Variants in SEMA5A observed in about 807,000 individuals in gnomAD.
The protein encoded by SEMA5A is semaphorin-5A.
A neutral mutation model predicts 135.5 loss-of-function variants in SEMA5A; 55 were observed. The ratio of observed to expected loss-of-function variants is 0.41; its 90% confidence interval spans 0.33 to 0.51. The LOEUF is 0.51. Ranked by LOEUF, SEMA5A falls within the 20% of genes least tolerant of loss-of-function variation. SEMA5A has a pLI of 0.37. For missense variants in SEMA5A, 1,290 were observed against 1,419.9 expected (o/e 0.91, Z 1.47); for synonymous variants, 580 against 546.5 (o/e 1.06, Z -0.85).
chr5:9,352,102 T>TGGG (rs5865826), intron 3 of SEMA5A, among the ~76,000 whole-genome samples: 2 of 141,016 alleles, frequency 1.4e-5, no homozygotes, highest in East Asian at 2.2e-4. Flanking sequence ...GTCGGGGGGG[T>TGGG]TACTTAAGAG....
chr5:9,150,257 G>A (rs778747781), intron 12 of SEMA5A, among the ~76,000 whole-genome samples: 5 of 152,146 alleles, frequency 3.3e-5, no homozygotes, highest in Non-Finnish European at 7.3e-5. Context: ...TCATAGCTGG[G>A]CCTTCCCAGA....
chr5:9,537,290 T>C (rs974743142), intron 1 of SEMA5A, among the ~76,000 whole-genome samples: 3 of 152,194 alleles, frequency 2.0e-5, no homozygotes, highest in Non-Finnish European at 4.4e-5. Flanking sequence ...ACTAAATACC[T>C]GCCCTGGTAA....
At chr5:9,321,485 C>T (rs1381047336) in intron 4 of SEMA5A, among the ~76,000 whole-genome samples, 1 of 152,206 alleles carries the variant, frequency 6.6e-6, no homozygotes, top group Non-Finnish European at 1.5e-5. Flanking sequence ...CATGCAAAAA[C>T]CAGAGTTCTG....
intron 3 of SEMA5A, chr5:9,367,337 T>C (rs1305951429): frequency 6.6e-6 from 1 of 152,180 alleles, no homozygotes; most frequent in African/African-American, 2.4e-5. Context: ...TTGTTCTGTT[T>C]CTAATTGTAG....
chr5:9,066,657 T>C lies in SEMA5A; in HGVS notation c.2074-11A>G. On this transcript the variant is annotated splice_polypyrimidine_tract_variant and intron_variant, in intron 16 of 22. Transcript: ENST00000382496. ...GCAAGACTGGTACTCCTGGGGAGAA[T>C]GCGCAGACGAGTGTTACTATACGGG... The C allele has an allele frequency of 6.2e-7, 1 of 1,612,534 alleles. No individual in the cohort carries two copies. The highest frequency in any genetic ancestry group is 8.5e-7 in the Non-Finnish European group (1 of 1,179,076).
At chr5:9,450,796 T>C (rs1231230242) in intron 1 of SEMA5A, among the ~76,000 whole-genome samples, 2 of 152,170 alleles carry the variant, frequency 1.3e-5, no homozygotes, top group African/African-American at 4.8e-5. Context: ...TTTAGTTAAT[T>C]CAGCATCAGA....
At chr5:9,369,762 T>C (rs998016502) in intron 3 of SEMA5A, among the ~76,000 whole-genome samples, 2 of 150,790 alleles carry the variant, frequency 1.3e-5, no homozygotes, top group Non-Finnish European at 2.9e-5. Flanking sequence ...TCTTCCAACA[T>C]TTCCCTGCAG....
chr5:9,232,795 T>C (rs962369238), intron 6 of SEMA5A, among the ~76,000 whole-genome samples: 2 of 152,210 alleles, frequency 1.3e-5, no homozygotes, highest in African/African-American at 4.8e-5. Context: ...GTATTTAACC[T>C]AAAGTACCCT....
At chr5:9,337,387 A>T (rs1753437631) in intron 4 of SEMA5A, among the ~76,000 whole-genome samples, 1 of 152,286 alleles carries the variant, frequency 6.6e-6, no homozygotes. Flanking sequence ...TTATTTATCT[A>T]CTTCCTTCCT....
intron 13 of SEMA5A, among the ~76,000 whole-genome samples, chr5:9,132,693 T>G (rs886753581): frequency 8.3e-5 from 2 of 24,192 alleles, no homozygotes; most frequent in African/African-American, 1.3e-4. Context: ...TGCTATGTCA[T>G]TGATCCAAGG....
At chr5:9,352,521 A>G (rs1387009510) in intron 3 of SEMA5A, among the ~76,000 whole-genome samples, 1 of 152,208 alleles carries the variant, frequency 6.6e-6, no homozygotes, top group Non-Finnish European at 1.5e-5. Flanking sequence ...AAGTGCTGGA[A>G]TTACAGGCAT....
intron 1 of SEMA5A, chr5:9,517,020 C>A: frequency 6.6e-6 from 1 of 152,240 alleles, no homozygotes; most frequent in East Asian, 1.9e-4. Context: ...AATGTGAACA[C>A]AGTGCACTTC....
rs569706378 is a variant in SEMA5A at position 9,089,785 on chromosome 5, A to T, written c.2073+18355T>A. ...TGTTTGTGGTAAGATTTTAATAGGT[A>T]TCCTTCATAAGGTGAAAGAAGCTCC... On this transcript the variant is annotated intron_variant, in intron 16 of 22. Transcript: ENST00000382496. 4.6e-5 allele frequency among the ~76,000 whole-genome samples: 7 copies of T among 152,322 alleles called. No individual in the cohort carries two copies. The South Asian group carries it at 1.4e-3, about 32-fold the overall frequency.
chr5:9,532,079 A>G (rs537797406), intron 1 of SEMA5A, among the ~76,000 whole-genome samples: 1 of 152,356 alleles, frequency 6.6e-6, no homozygotes, highest in South Asian at 2.1e-4. Flanking sequence ...TTCAATGAAT[A>G]AGGCACAATA....
intron 5 of SEMA5A, among the ~76,000 whole-genome samples, chr5:9,268,126 A>C (rs40706): frequency 1 from 151,989 of 152,192 alleles, 75,893 homozygotes; most frequent in Non-Finnish European, 1. Flanking sequence ...TTGTTCTTGT[A>C]GGTAGTGCAT....
chr5:9,131,859 A>T (rs1033994351), intron 13 of SEMA5A, among the ~76,000 whole-genome samples: 1 of 152,040 alleles, frequency 6.6e-6, no homozygotes, highest in African/African-American at 2.4e-5. Context: ...ATAGGGACTC[A>T]TTACATCATA....
intron 12 of SEMA5A, among the ~76,000 whole-genome samples, chr5:9,144,532 G>A (rs16882093): frequency 0.29 from 44,669 of 152,058 alleles, 6,662 homozygotes; most frequent in Non-Finnish European, 0.32. Context: ...CCCTCTCAGC[G>A]GGTAGTTACA....
At chr5:9,307,967 G>T (rs767159425) in intron 5 of SEMA5A, among the ~76,000 whole-genome samples, 3 of 152,068 alleles carry the variant, frequency 2.0e-5, no homozygotes, top group Non-Finnish European at 2.9e-5. Flanking sequence ...TTTAGAAATG[G>T]ATAAAGAGAG....
chr5:9,397,800 A>G (rs1756470520), intron 2 of SEMA5A, among the ~76,000 whole-genome samples: 1 of 152,228 alleles, frequency 6.6e-6, no homozygotes, highest in Non-Finnish European at 1.5e-5. Context: ...CAGTCCCCAT[A>G]AATTTGTTAT....
Sources: allele counts gnomAD v4.1 joint callset (sites outside exome capture counted in the v4.1 genomes callset), GRCh38; gene constraint gnomAD v4.1.1; transcripts MANE v1.5; gene names NCBI Gene and HGNC (gene_info 2026-07-23, HGNC 2026-07-21).